SYN3: variants seen among roughly 807,000 people sequenced by gnomAD.
The protein encoded by SYN3 is synapsin-3.
Under a neutral mutation model 65.8 loss-of-function variants are expected in SYN3, and 35 were observed. That is an observed-to-expected ratio of 0.53 (90% CI 0.41 to 0.70). SYN3 has a LOEUF of 0.70. Among genes scored for constraint, SYN3 ranks in the 30% least tolerant of loss-of-function variants. The pLI is 0.00. For synonymous variants in SYN3, 270 were observed against 292.9 expected (o/e 0.92, Z 0.80); for missense variants, 680 against 749.0 (o/e 0.91, Z 1.08).
At chr22:33,056,608 A>T (rs1304913687) in intron 1 of SYN3, among the ~76,000 whole-genome samples, 1 of 152,198 alleles carries the variant, frequency 6.6e-6, no homozygotes. Context: ...ATAGATCAAC[A>T]TCTCCCTCTG....
chr22:32,673,729 G>C (rs945812561), intron 6 of SYN3, among the ~76,000 whole-genome samples: 1 of 152,210 alleles, frequency 6.6e-6, no homozygotes. Flanking sequence ...GGATTTGTAC[G>C]TGCAAAGGCT....
At position 33,034,115 on chromosome 22, in the gene SYN3, G is replaced by T. The variant is rs200294098; in HGVS notation, c.-163+24177C>A. Among the ~76,000 whole-genome samples, 23 of 151,608 alleles carry T rather than the reference G, an allele frequency of 1.5e-4. No homozygotes were observed. The East Asian group carries it at 3.8e-3, about 25-fold the overall frequency. On this transcript the variant is annotated intron_variant, in intron 1 of 13. Coordinates refer to ENST00000358763, the MANE Select transcript of SYN3 (RefSeq NM_003490.4). ...GCAAGAGAATCACTTGAACCCAGGAGGCGGAGGTTGCAGTGAGTCGAGATT... is the reference window on the plus strand; with the variant it reads ...GCAAGAGAATCACTTGAACCCAGGATGCGGAGGTTGCAGTGAGTCGAGATT...
chr22:32,529,712 C>G lies in SYN3; in HGVS notation c.1096-704G>C, dbSNP rs1296707822. Among the ~76,000 whole-genome samples the G allele has an allele frequency of 5.3e-5, 8 of 152,190 alleles. 1 individual carries two copies. Among genetic ancestry groups the G allele is most frequent in the Non-Finnish European group, 4.4e-5 (3 of 68,042 alleles). On this transcript the variant is annotated intron_variant, in intron 10 of 13. Transcript: ENST00000358763. ...CACGTGATTCCCTGGGCATGGGAAG[C>G]TATGGGAGATCTGGAAGGGGTGTCT...
intron 7 of SYN3, among the ~76,000 whole-genome samples, chr22:32,542,811 A>G (rs1449418533): frequency 1.3e-5 from 2 of 151,806 alleles, no homozygotes. Context: ...AGCGCAGAGG[A>G]CGAGGCCAAG....
chr22:32,581,157 T>G (rs1022133105), intron 7 of SYN3, among the ~76,000 whole-genome samples: 2 of 152,242 alleles, frequency 1.3e-5, no homozygotes, highest in Admixed American at 1.3e-4. Flanking sequence ...CCACTCAGGC[T>G]GGAGTGCAGT....
At chr22:32,532,889 G>T (rs953673225) in intron 10 of SYN3, among the ~76,000 whole-genome samples, 12 of 152,150 alleles carry the variant, frequency 7.9e-5, no homozygotes, top group African/African-American at 2.9e-4. Flanking sequence ...CACTGGAGCT[G>T]TGAGTGTGGA....
chr22:32,872,328 C>T (rs997000125), intron 4 of SYN3, among the ~76,000 whole-genome samples: 1 of 152,048 alleles, frequency 6.6e-6, no homozygotes, highest in African/African-American at 2.4e-5. Context: ...GTGAAATGGC[C>T]ACTGGAAAGG....
chr22:32,800,777 T>G (rs2046549536), intron 6 of SYN3, among the ~76,000 whole-genome samples: 2 of 152,050 alleles, frequency 1.3e-5, no homozygotes, highest in African/African-American at 4.8e-5. Flanking sequence ...ATGCCCAGGG[T>G]CTTTGCACTT....
At chr22:32,884,433 A>C (rs757949194) in intron 4 of SYN3, among the ~76,000 whole-genome samples, 6 of 152,238 alleles carry the variant, frequency 3.9e-5, no homozygotes, top group Non-Finnish European at 7.3e-5. Flanking sequence ...GGTAACAATA[A>C]CATGTACTTC....
At position 33,046,143 on chromosome 22, in the gene SYN3, G is replaced by C. The variant is rs112773732; in HGVS notation, c.-163+12149C>G. On this transcript the variant is annotated intron_variant, in intron 1 of 13. Transcript: ENST00000358763. ...AAATGCAAATTAAACCATTGAGATAGCACTAAACTATAAAGACGGCTAAAA... is the reference window on the plus strand; with the variant it reads ...AAATGCAAATTAAACCATTGAGATACCACTAAACTATAAAGACGGCTAAAA... Among the ~76,000 whole-genome samples the C allele has an allele frequency of 6.0e-4, 91 of 152,186 alleles. No homozygotes were observed. The Middle Eastern group carries it at 0.014, about 23-fold the overall frequency.
intron 6 of SYN3, among the ~76,000 whole-genome samples, chr22:32,698,699 G>A (rs1372549734): frequency 6.6e-6 from 1 of 152,136 alleles, no homozygotes; most frequent in Admixed American, 6.5e-5. Context: ...AATCATTTTA[G>A]GTAGTTAGTA....
Position 32,786,015 on chromosome 22 carries a change from GAAGA to G in SYN3, c.711+78896_711+78899del, listed in dbSNP as rs1397535111. 4.8e-5 allele frequency among the ~76,000 whole-genome samples: 7 copies of G among 145,760 alleles called. No individual in the cohort carries two copies. The South Asian group carries it at 6.4e-4, about 13-fold the overall frequency. ...CTTCAAAGAAGAAGAAGAAGAAGAA[GAAGA>G]AAAAAAAAATACAGCATTCTAGCAA... On this transcript the variant is annotated intron_variant, in intron 6 of 13. Transcript: ENST00000358763.
intron 7 of SYN3, among the ~76,000 whole-genome samples, chr22:32,576,643 A>G (rs2058855201): frequency 6.6e-6 from 1 of 152,098 alleles, no homozygotes; most frequent in Non-Finnish European, 1.5e-5. Flanking sequence ...CCCGCCTGGC[A>G]CAGTCAGTTC....
chr22:32,870,323 T>C (rs2048815137), intron 4 of SYN3, among the ~76,000 whole-genome samples: 1 of 130,412 alleles, frequency 7.7e-6, no homozygotes, highest in Non-Finnish European at 1.6e-5. Flanking sequence ...CTCCATACTT[T>C]CTTTTGATTT....
At chr22:32,876,104 C>A (rs1285378560) in intron 4 of SYN3, among the ~76,000 whole-genome samples, 1 of 152,132 alleles carries the variant, frequency 6.6e-6, no homozygotes, top group Non-Finnish European at 1.5e-5. Context: ...AACAGAAATT[C>A]ATTTCTCACA....
chr22:32,788,462 A>G (rs566883826), intron 6 of SYN3, among the ~76,000 whole-genome samples: 90 of 151,884 alleles, frequency 5.9e-4, no homozygotes, highest in African/African-American at 2.0e-3. Flanking sequence ...AATCGCTTGA[A>G]CTCAGAAGGC....
chr22:33,034,158 C>A (rs925938313), intron 1 of SYN3, among the ~76,000 whole-genome samples: 1 of 149,822 alleles, frequency 6.7e-6, no homozygotes, highest in African/African-American at 2.4e-5. Context: ...TGCTCTCCAA[C>A]CTAGGTGACA....
chr22:32,540,179 C>G (rs1273201749), intron 8 of SYN3, among the ~76,000 whole-genome samples: 2 of 152,210 alleles, frequency 1.3e-5, no homozygotes, highest in Non-Finnish European at 2.9e-5. Context: ...ACCTGGCCCT[C>G]TACAGAAAAA....
chr22:33,054,889 A>G (rs2054230053), intron 1 of SYN3, among the ~76,000 whole-genome samples: 1 of 151,810 alleles, frequency 6.6e-6, no homozygotes, highest in South Asian at 2.1e-4. Flanking sequence ...CTTCATCCCC[A>G]CCCTTTTCCC....
Sources: allele counts gnomAD v4.1 joint callset (sites outside exome capture counted in the v4.1 genomes callset), GRCh38; gene constraint gnomAD v4.1.1; transcripts MANE v1.5; gene names NCBI Gene and HGNC (gene_info 2026-07-23, HGNC 2026-07-21).